Variants in CPLX1 observed in about 807,000 individuals in gnomAD.
The protein encoded by CPLX1 is complexin 1.
Under a neutral mutation model 15.6 loss-of-function variants are expected in CPLX1, and 6 were observed. That is an observed-to-expected ratio of 0.39 (90% CI 0.21 to 0.76). CPLX1 has a LOEUF of 0.76. Ranked by LOEUF, CPLX1 falls within the 30% of genes least tolerant of loss-of-function variation. The pLI is 0.43. For missense variants in CPLX1, 242 were observed against 188.6 expected (o/e 1.28, Z -1.66); for synonymous variants, 91 against 75.2 (o/e 1.21, Z -1.08).
intron 2 of CPLX1, among the ~76,000 whole-genome samples, chr4:803,486 G>A (rs897242999): frequency 6.6e-6 from 1 of 152,090 alleles, no homozygotes; most frequent in African/African-American, 2.4e-5. Flanking sequence ...CGCCTCCCAG[G>A]TTCACGCCAT....
rs758086540 is a variant in CPLX1 at position 786,528 on chromosome 4, C to T, written c.378G>A (p.Gly126=). 1.2e-6 allele frequency: 2 copies of T among 1,601,636 alleles called. No homozygotes were observed. The highest frequency in any genetic ancestry group is 1.7e-6 in the Non-Finnish European group (2 of 1,174,310). Residue 126 remains glycine, a synonymous_variant, in exon 4 of 4, where the codon GGG becomes GGA. Transcript: ENST00000304062. ...ACTTCTTGAGCATGTCCTGCAGCGG[C>T]CCGGGCAGGTACTTGATGACGGTGT... ...ILDTVIKYLP[G]PLQDMLKK is the part of the protein sequence containing the mutation.
intron 3 of CPLX1, chr4:787,240 G>C (rs1746025113): frequency 3.0e-6 from 3 of 985,268 alleles, no homozygotes; most frequent in Admixed American, 6.1e-5. Flanking sequence ...AGCCGGCAGA[G>C]GGTCCTGGGC....
chr4:786,494 C>T lies in CPLX1; in HGVS notation c.*7G>A, dbSNP rs1444046907. The T allele has an allele frequency of 5.8e-6, 9 of 1,557,496 alleles. No individual in the cohort carries two copies. Among genetic ancestry groups the T allele is most frequent in the Non-Finnish European group, 7.0e-6 (8 of 1,149,396 alleles). On this transcript the variant is annotated 3_prime_UTR_variant, in exon 4 of 4. Transcript: ENST00000304062. ...GGGGCTCCGCGGGGCCGCTGTCCCG[C>T]GCGCGGCTACTTCTTGAGCATGTCC...
intron 1 of CPLX1, 150 bp from the exon 2 acceptor site, chr4:824,751 C>T: frequency 1.4e-6 from 1 of 693,266 alleles, no homozygotes; most frequent in East Asian, 2.7e-5. Context: ...TGAGGGGCTT[C>T]TGTCCCCACA....
In CPLX1 at chr4:793,054, G is replaced by A. The variant is rs147891960; in HGVS notation, c.32-446C>T. On this transcript the variant is annotated intron_variant, in intron 2 of 3. Coordinates refer to ENST00000304062, the MANE Select transcript of CPLX1 (RefSeq NM_006651.4). The stretch of plus-strand genomic sequence containing the variant: ...GTTGTGCATGTGTGTGTGGTTGACT[G>A]CATGCGGTTGTGTGATCAGGCTTGT... Among the ~76,000 whole-genome samples the A allele has an allele frequency of 5.3e-5, 8 of 152,326 alleles. No individual in the cohort carries two copies. In the East Asian group the frequency reaches 1.2e-3, roughly 22 times the overall value.
At chr4:788,056 C>T (rs529150335) in intron 3 of CPLX1, 49 of 985,422 alleles carry the variant, frequency 5.0e-5, no homozygotes, top group East Asian at 4.5e-4. Context: ...GGAGTGGGCA[C>T]CAGCACTCTA....
At chr4:822,452 GTC>G (rs1176656781) in intron 2 of CPLX1, among the ~76,000 whole-genome samples, 3 of 151,802 alleles carry the variant, frequency 2.0e-5, no homozygotes, top group Non-Finnish European at 2.9e-5. Context: ...CTGACGTGCC[GTC>G]TCTGTTTTCA....
At chr4:808,342 C>T (rs1165689585) in intron 2 of CPLX1, among the ~76,000 whole-genome samples, 2 of 152,162 alleles carry the variant, frequency 1.3e-5, no homozygotes, top group Non-Finnish European at 2.9e-5. Context: ...ATTAAAACCA[C>T]GGTTACCACA....
At chr4:790,937 TC>T (rs1746150761) in intron 3 of CPLX1, among the ~76,000 whole-genome samples, 2 of 89,540 alleles carry the variant, frequency 2.2e-5, no homozygotes, top group Non-Finnish European at 4.9e-5. Flanking sequence ...CCTCTTTTTG[TC>T]TTTTTCTCTG....
intron 2 of CPLX1, among the ~76,000 whole-genome samples, chr4:823,427 G>A (rs1746910091): frequency 6.6e-6 from 1 of 152,164 alleles, no homozygotes; most frequent in South Asian, 2.1e-4. Context: ...CCTTGTCCCT[G>A]GCCCCTCGAA....
intron 2 of CPLX1, among the ~76,000 whole-genome samples, chr4:821,108 A>AG (rs2152648661): frequency 6.6e-6 from 1 of 152,296 alleles, no homozygotes; most frequent in South Asian, 2.1e-4. Flanking sequence ...CCAACAGCGT[A>AG]CCACTCTCCG....
chr4:788,299 G>T (rs934036954), intron 3 of CPLX1: 1 of 985,176 alleles, frequency 1.0e-6, no homozygotes, highest in Non-Finnish European at 1.2e-6. Context: ...GGGCAGTCTC[G>T]GCACCTCTCC....
In CPLX1 at chr4:786,272, G is replaced by A; in HGVS notation, c.*229C>T. Reference sequence around the variant, plus strand: ...AGCAAGAGAAAGGGGCGTCCCAGGCGATGGGGCTCCAGCCACCCGCGGGCA... The same window carrying A: ...AGCAAGAGAAAGGGGCGTCCCAGGCAATGGGGCTCCAGCCACCCGCGGGCA... On this transcript the variant is annotated 3_prime_UTR_variant, in exon 4 of 4. Coordinates refer to ENST00000304062, the MANE Select transcript of CPLX1 (RefSeq NM_006651.4). 2.5e-6 allele frequency: 1 copy of A among 400,662 alleles called. No homozygotes were observed. The highest frequency in any genetic ancestry group is 3.9e-5 in the East Asian group (1 of 25,852). 24.8% of individuals were successfully genotyped at this position (400,662 alleles called of 1,614,324 possible). A position where few individuals can be genotyped will look rare whatever the true frequency, so the allele number is the denominator to read the frequency against.
intron 2 of CPLX1, among the ~76,000 whole-genome samples, chr4:798,562 T>C (rs1746390229): frequency 6.6e-6 from 1 of 152,160 alleles, no homozygotes; most frequent in Non-Finnish European, 1.5e-5. Flanking sequence ...CAGCTAATTT[T>C]TTAAAAACAT....
At chr4:822,733 C>T (rs1315711487) in intron 2 of CPLX1, among the ~76,000 whole-genome samples, 1 of 152,206 alleles carries the variant, frequency 6.6e-6, no homozygotes, top group African/African-American at 2.4e-5. Flanking sequence ...CTCTGTCTTG[C>T]TCTGTCTCAC....
intron 1 of CPLX1, among the ~76,000 whole-genome samples, chr4:825,279 G>T (rs1217438661): frequency 1.3e-5 from 2 of 152,148 alleles, no homozygotes; most frequent in Non-Finnish European, 2.9e-5. Flanking sequence ...CACAGCAGCC[G>T]CAGTGAGCCC....
chr4:825,642 A>G (rs1746965552), intron 1 of CPLX1, among the ~76,000 whole-genome samples: 1 of 151,500 alleles, frequency 6.6e-6, no homozygotes, highest in Non-Finnish European at 1.5e-5. Flanking sequence ...GAGCCTCGAG[A>G]CAGGAAGAAG....
intron 2 of CPLX1, among the ~76,000 whole-genome samples, chr4:807,534 G>A (rs1746579019): frequency 6.6e-6 from 1 of 151,958 alleles, no homozygotes; most frequent in Non-Finnish European, 1.5e-5. Flanking sequence ...GAGTGCAGTG[G>A]CACAATCTCG....
intron 2 of CPLX1, among the ~76,000 whole-genome samples, chr4:795,209 G>A (rs1448034327): frequency 6.6e-6 from 1 of 152,264 alleles, no homozygotes; most frequent in African/African-American, 2.4e-5. Context: ...GCAGCCAGGA[G>A]CGCAACAGAA....
Sources: gnomAD v4.1 joint callset for allele counts (sites outside exome capture counted in the v4.1 genomes callset) on GRCh38, gnomAD v4.1.1 for gene constraint, MANE v1.5 for transcripts, NCBI Gene and HGNC (gene_info 2026-07-23, HGNC 2026-07-21) for gene names.